Variants in DLG2 observed in about 807,000 individuals in gnomAD.
The protein encoded by DLG2 is disks large homolog 2.
A neutral mutation model predicts 132.5 loss-of-function variants in DLG2; 45 were observed. The ratio of observed to expected loss-of-function variants is 0.34; its 90% CI spans 0.27 to 0.44. The LOEUF is 0.44. Among genes scored for constraint, DLG2 ranks in the 20% least tolerant of loss-of-function variants. The pLI is 1.00. For synonymous variants in DLG2, 424 were observed against 419.6 expected (o/e 1.01, Z -0.13); for missense variants, 1,045 against 1,196.9 (o/e 0.87, Z 1.87).
chr11:83,765,257 T>C (rs79053084), intron 18 of DLG2, among the ~76,000 whole-genome samples: 4,698 of 152,296 alleles, frequency 0.031, 253 homozygotes, highest in African/African-American at 0.11. Context: ...AAACTCTTGA[T>C]GGAAAATTAA....
rs778115924 is a variant in DLG2 at position 85,285,211 on chromosome 11, G to A, written c.186+9C>T. The A allele has an allele frequency of 6.2e-7, 1 of 1,609,238 alleles. No individual in the cohort carries two copies. The highest frequency in any genetic ancestry group is 8.5e-7 in the Non-Finnish European group (1 of 1,177,276). Reference sequence around the variant, plus strand: ...TTATTCAGTTCTTTTGGAAGTTTCAGTAGTATACCTCTGAAGATTTTTGAA... The same window carrying A: ...TTATTCAGTTCTTTTGGAAGTTTCAATAGTATACCTCTGAAGATTTTTGAA... On this transcript the variant is annotated intron_variant, in intron 4 of 27. Coordinates refer to ENST00000376104, the MANE Select transcript of DLG2 (RefSeq NM_001142699.3).
chr11:84,152,646 A>G (rs1295049263), intron 9 of DLG2, among the ~76,000 whole-genome samples: 1 of 151,910 alleles, frequency 6.6e-6, no homozygotes, highest in Non-Finnish European at 1.5e-5. Flanking sequence ...TCGGCCCCCC[A>G]AAGTGCTGGG....
chr11:84,992,580 A>T (rs1273847955), intron 6 of DLG2, among the ~76,000 whole-genome samples: 1 of 152,140 alleles, frequency 6.6e-6, no homozygotes, highest in Admixed American at 6.5e-5. Context: ...TTTTAATAAT[A>T]GCCATTCTAA....
chr11:85,324,641 G>A (rs2081313527), intron 3 of DLG2, among the ~76,000 whole-genome samples: 1 of 152,128 alleles, frequency 6.6e-6, no homozygotes, highest in Non-Finnish European at 1.5e-5. Flanking sequence ...GCTGCCTACA[G>A]AAAAAAGCTA....
intron 14 of DLG2, among the ~76,000 whole-genome samples, chr11:83,945,934 G>GTCCTTCCTTCCTTCCTTCCT (rs760832594): frequency 2.2e-5 from 3 of 136,026 alleles, no homozygotes; most frequent in East Asian, 2.1e-4. Context: ...CCTTCCTTCC[G>GTCCTTCCTTCCTTCCTTCCT]TCCTTCCTTC....
chr11:84,431,144 GTATC>G (rs1285054144), intron 7 of DLG2, among the ~76,000 whole-genome samples: 4 of 152,102 alleles, frequency 2.6e-5, no homozygotes, highest in African/African-American at 9.7e-5. Context: ...AATAAACTTA[GTATC>G]TAACTCATCA....
intron 6 of DLG2, among the ~76,000 whole-genome samples, chr11:84,635,162 C>T (rs921868917): frequency 6.6e-6 from 1 of 152,352 alleles, no homozygotes; most frequent in Non-Finnish European, 1.5e-5. Flanking sequence ...GAATTTCAGA[C>T]AGAAGATCAG....
chr11:83,765,348 G>A (rs2094100407), intron 18 of DLG2, among the ~76,000 whole-genome samples: 3 of 152,308 alleles, frequency 2.0e-5, no homozygotes, highest in Admixed American at 1.3e-4. Context: ...CTGAGAGGCA[G>A]CAGATTTGTT....
intron 6 of DLG2, among the ~76,000 whole-genome samples, chr11:85,056,971 A>G (rs2063525800): frequency 6.6e-6 from 1 of 151,926 alleles, no homozygotes; most frequent in Non-Finnish European, 1.5e-5. Context: ...TAGAAGGAAA[A>G]TGATACTGGA....
At chr11:84,925,384 A>G (rs779305282) in intron 6 of DLG2, among the ~76,000 whole-genome samples, 2 of 152,104 alleles carry the variant, frequency 1.3e-5, no homozygotes, top group Non-Finnish European at 2.9e-5. Flanking sequence ...ACATTTTTTT[A>G]AAAAGGCCCT....
chr11:84,746,760 C>A (rs908959019), intron 6 of DLG2, among the ~76,000 whole-genome samples: 1 of 152,196 alleles, frequency 6.6e-6, no homozygotes, highest in African/African-American at 2.4e-5. Flanking sequence ...TTGTTGACCA[C>A]AAGCACTAAG....
chr11:83,871,814 A>C (rs1164288620), intron 16 of DLG2, among the ~76,000 whole-genome samples: 1 of 152,250 alleles, frequency 6.6e-6, no homozygotes, highest in Non-Finnish European at 1.5e-5. Flanking sequence ...ACAAATACAT[A>C]TAAACATATT....
chr11:84,625,149 C>T (rs933903009), intron 6 of DLG2, among the ~76,000 whole-genome samples: 7 of 151,790 alleles, frequency 4.6e-5, no homozygotes, highest in East Asian at 1.9e-4. Context: ...CGTGAGCCAC[C>T]GCGCCCGGCC....
intron 18 of DLG2, among the ~76,000 whole-genome samples, chr11:83,753,453 C>G (rs1295117580): frequency 6.6e-6 from 1 of 151,426 alleles, no homozygotes; most frequent in African/African-American, 2.4e-5. Context: ...AAAACCAAAA[C>G]CAAAAACTGA....
At chr11:84,889,733 A>C (rs901556563) in intron 6 of DLG2, among the ~76,000 whole-genome samples, 3 of 152,208 alleles carry the variant, frequency 2.0e-5, no homozygotes, top group Non-Finnish European at 4.4e-5. Flanking sequence ...TCCAAGGCAA[A>C]GCCCTTGTTG....
In DLG2 at chr11:84,943,202, G is replaced by GTGTC. The variant is rs1481407249; in HGVS notation, c.357+168458_357+168459insGACA. On this transcript the variant is annotated intron_variant, in intron 6 of 27. Transcript: ENST00000376104. ...TGTGTGTGTGTGTGTGTGTGTGTGT[G>GTGTC]TATCTATTCAGCTACTCTGTCTTTT... Among the ~76,000 whole-genome samples, 56 of 144,076 alleles carry GTGTC rather than the reference G, an allele frequency of 3.9e-4. 1 individual carries two copies. The highest frequency in any genetic ancestry group is 1.4e-3 in the African/African-American group (54 of 38,686). The allele number at this position is 144,076 out of a possible 152,430, so 94.5% of individuals were successfully genotyped here.
intron 6 of DLG2, among the ~76,000 whole-genome samples, chr11:84,786,113 TATC>T (rs1332189302): frequency 4.6e-5 from 7 of 152,156 alleles, no homozygotes; most frequent in Non-Finnish European, 7.4e-5. Context: ...AGATAAAATA[TATC>T]ATCATCATGA....
At chr11:85,586,860 C>T (rs1186403049) in intron 3 of DLG2, among the ~76,000 whole-genome samples, 2 of 152,132 alleles carry the variant, frequency 1.3e-5, no homozygotes, top group Non-Finnish European at 2.9e-5. Flanking sequence ...CATAGCACTG[C>T]TTTTGCTGTG....
intron 6 of DLG2, among the ~76,000 whole-genome samples, chr11:84,617,396 T>G (rs2099606425): frequency 6.6e-6 from 1 of 152,178 alleles, no homozygotes; most frequent in Admixed American, 6.5e-5. Flanking sequence ...GATGGGCATT[T>G]GGGTTGGTTC....
Sources: allele counts gnomAD v4.1 joint callset (sites outside exome capture counted in the v4.1 genomes callset), GRCh38; gene constraint gnomAD v4.1.1; transcripts MANE v1.5; gene names NCBI Gene and HGNC (gene_info 2026-07-23, HGNC 2026-07-21).